BRSK1: variants seen among roughly 807,000 people sequenced by gnomAD.
BRSK1 encodes the protein serine/threonine-protein kinase BRSK1.
BRSK1 carries 17 observed loss-of-function variants against 86.2 expected under a neutral mutation model. The ratio of observed to expected loss-of-function variants is 0.20; its 90% CI spans 0.14 to 0.30. The LOEUF (loss-of-function observed/expected upper bound fraction) is 0.30, where lower values mean the gene tolerates loss of function less well. Ranked by LOEUF, BRSK1 falls within the 10% of genes least tolerant of loss-of-function variation. The pLI is 1.00. For synonymous variants in BRSK1, 464 were observed against 440.1 expected, an observed-to-expected ratio of 1.05 and a Z score of -0.68; for missense variants, 719 against 1,071.9, an observed-to-expected ratio of 0.67 and a Z score of 4.60.
chr19:55,293,791 C>T (rs1158480765), intron 4 of BRSK1, among the ~76,000 whole-genome samples: 2 of 152,088 alleles, frequency 1.3e-5, no homozygotes, highest in Non-Finnish European at 2.9e-5. Context: ...GCCTGGGAGA[C>T]AGAGCGAGAT....
At position 55,301,520 on chromosome 19, in the gene BRSK1, G is replaced by A; in HGVS notation, c.687G>A (p.Leu229=). The A allele has an allele frequency of 1.2e-6, 2 of 1,613,748 alleles. No individual in the cohort carries two copies. The highest frequency in any genetic ancestry group is 1.1e-5 in the South Asian group (1 of 90,988). The change falls in exon 8 of 19, where the codon CTG becomes CTA. Residue 229 remains leucine, a synonymous_variant. Transcript: ENST00000309383. The stretch of plus-strand genomic sequence containing the variant: ...GGTTATCTCTTGCCCAGGGGGCTCT[G>A]CCCTTTGATGACGACAACCTCCGCC... ...VILFALLVGA[L]PFDDDNLRQL... is the part of the protein sequence containing the mutation.
rs1382163860 is a variant in BRSK1 at position 55,305,303 on chromosome 19, C to T, written c.1718-18C>T. On this transcript the variant is annotated intron_variant, in intron 14 of 18. Transcript: ENST00000309383. Reference sequence around the variant, plus strand: ...GATGCACAGGTGTTGACCACGTTCTCTGCCTTCCCCCTACCAGTCCCTACC... The same window carrying T: ...GATGCACAGGTGTTGACCACGTTCTTTGCCTTCCCCCTACCAGTCCCTACC... 1.9e-5 allele frequency: 31 copies of T among 1,613,804 alleles called. No homozygotes were observed. Among genetic ancestry groups the T allele is most frequent in the Non-Finnish European group, 2.5e-5 (30 of 1,179,990 alleles).
intron 7 of BRSK1, among the ~76,000 whole-genome samples, chr19:55,300,562 G>T (rs187451300): frequency 1.3e-5 from 2 of 152,312 alleles, no homozygotes; most frequent in Non-Finnish European, 2.9e-5. Context: ...AATTAGGCTG[G>T]GTGTGGTGGC....
At chr19:55,298,260 G>A (rs764502021) in intron 7 of BRSK1, among the ~76,000 whole-genome samples, 8 of 94,208 alleles carry the variant, frequency 8.5e-5, no homozygotes, top group Non-Finnish European at 1.3e-4. Context: ...GTCTTGCTCT[G>A]TAGCCCAGGC....
At chr19:55,309,557 G>C (rs932226051) in intron 18 of BRSK1, among the ~76,000 whole-genome samples, 1 of 152,224 alleles carries the variant, frequency 6.6e-6, no homozygotes, top group Non-Finnish European at 1.5e-5. Context: ...CAGACAGCAC[G>C]TTGGTGCTGT....
At position 55,284,492 on chromosome 19, in the gene BRSK1, T is replaced by TA; in HGVS notation, c.50_51insA (p.His19ProfsTer31). On this transcript the variant is annotated frameshift_variant, in exon 1 of 19. Coordinates refer to ENST00000309383, the MANE Select transcript of BRSK1 (RefSeq NM_032430.2). LOFTEE classifies it high-confidence loss of function. ...GGTGGGGGCTCTCCCGCCTACCACC[T>TA]CCCCCACCCCCACCCCCACCCACCC... 7 of 776,220 alleles carry TA rather than the reference T, an allele frequency of 9.0e-6. No individual in the cohort carries two copies. The highest frequency in any genetic ancestry group is 1.1e-5 in the Non-Finnish European group (6 of 546,144). 48.1% of individuals were successfully genotyped at this position (776,220 alleles called of 1,614,324 possible).
chr19:55,304,601 A>G lies in BRSK1; in HGVS notation c.1398A>G (p.Arg466=). 6.3e-7 allele frequency: 1 copy of G among 1,577,356 alleles called. No individual in the cohort carries two copies. Among genetic ancestry groups the G allele is most frequent in the Non-Finnish European group, 8.6e-7 (1 of 1,163,760 alleles). ...SPEPGAGDEA[R]GGGSPTSKTQ... is the part of the protein sequence containing the mutation. ...AGCCGGGGGCTGGAGATGAGGCTCGAGGCGGGGGCTCCCCGACTTCCAAAA... is the reference window on the plus strand; with the variant it reads ...AGCCGGGGGCTGGAGATGAGGCTCGGGGCGGGGGCTCCCCGACTTCCAAAA... Residue 466 remains arginine, a synonymous_variant, in exon 14 of 19, where the codon CGA becomes CGG. Transcript: ENST00000309383. The surrounding 1 kb of genome is among the most constrained non-coding windows in gnomAD (Gnocchi z 5.2).
At chr19:55,297,974 G>A (rs755598132) in intron 7 of BRSK1, among the ~76,000 whole-genome samples, 16 of 151,940 alleles carry the variant, frequency 1.1e-4, no homozygotes, top group Admixed American at 2.6e-4. Flanking sequence ...TACCATGCCT[G>A]GCTAATTTTT....
Position 55,305,564 on chromosome 19 carries a change from A to G in BRSK1, c.1868A>G (p.Asp623Gly). The G allele has an allele frequency of 1.2e-6, 2 of 1,614,160 alleles. No homozygotes were observed. The highest frequency in any genetic ancestry group is 1.7e-6 in the Non-Finnish European group (2 of 1,180,034). The change falls in exon 16 of 19, where the codon GAC becomes GGC. Residue 623 changes from aspartate (D) to glycine (G), a missense_variant. Physicochemically the swap from Asp to Gly is moderately conservative, Grantham distance 94. This residue lies in a region of BRSK1 where 180 missense variants were observed against 259.4 expected (regional missense o/e 0.69). Transcript: ENST00000309383. ...AAACCTCTCAGCAGCATCAAAGCAG[A>G]CATCGTCCATGCCTTTCTGTCGGTG... Reference protein sequence around the residue: ...KDKPLSSIKADIVHAFLSIPS... With the variant: ...KDKPLSSIKAGIVHAFLSIPS...
chr19:55,297,848 C>T (rs2088511006), intron 7 of BRSK1, among the ~76,000 whole-genome samples: 1 of 152,154 alleles, frequency 6.6e-6, no homozygotes, highest in Admixed American at 6.5e-5. Flanking sequence ...GAGTTTCGCT[C>T]TTGTCGCCCA....
At position 55,304,795 on chromosome 19, in the gene BRSK1, C is replaced by T. The variant is rs55892637; in HGVS notation, c.1592C>T (p.Thr531Ile). The change falls in exon 14 of 19, where the codon ACC becomes ATC. Residue 531 changes from threonine (T) to isoleucine (I), a missense_variant. Physicochemically the swap from Thr to Ile is moderately conservative, Grantham distance 89. Coordinates refer to ENST00000309383, the MANE Select transcript of BRSK1 (RefSeq NM_032430.2). This position sits in a 1 kb window ranked among gnomAD's most constrained non-coding sequence, Gnocchi z 5.2. ...ACGCCCCGGGCCAGTCCCACCGGGA[C>T]CCCGGGGACAACACCACCCCCCAGC... ...LHTPRASPTG[T>I]PGTTPPPSPG... The T allele has an allele frequency of 1.3e-6, 2 of 1,568,218 alleles. No homozygotes were observed. The highest frequency in any genetic ancestry group is 2.3e-5 in the South Asian group (2 of 86,814).
rs1424511353 is a variant in BRSK1 at position 55,312,026 on chromosome 19, G to A, written c.2295G>A (p.Lys765=). 1.8e-5 allele frequency: 27 copies of A among 1,500,190 alleles called. No individual in the cohort carries two copies. Among genetic ancestry groups the A allele is most frequent in the Admixed American group, 2.3e-5 (1 of 42,578 alleles). 92.9% of individuals were successfully genotyped at this position (1,500,190 alleles called of 1,614,324 possible). A position where few individuals can be genotyped will look rare whatever the true frequency, so the allele number is the denominator to read the frequency against. The change falls in exon 19 of 19, where the codon AAG becomes AAA. Residue 765 remains lysine, a synonymous_variant. Coordinates refer to ENST00000309383, the MANE Select transcript of BRSK1 (RefSeq NM_032430.2). ...GCTCTCCCCGCCGAGGCCCCCCCAA[G>A]GACAAGAAGCTCCTGGCCACCAACG... The part of the protein sequence containing the change: ...LSSSPRRGPP[K]DKKLLATNGT...
rs183889340 is a variant in BRSK1, at chr19:55,297,868, G to A, written c.678+3471G>A. On this transcript the variant is annotated intron_variant, in intron 7 of 18. Coordinates refer to ENST00000309383, the MANE Select transcript of BRSK1 (RefSeq NM_032430.2). The stretch of plus-strand genomic sequence containing the variant: ...TCGCTCTTGTCGCCCAGGCTGGAGT[G>A]CAATGGTGCGATCTTGGCTCACTGA... 2.9e-3 allele frequency among the ~76,000 whole-genome samples: 445 copies of A among 152,310 alleles called. 2 individuals carry two copies. The highest frequency in any genetic ancestry group is 0.01 in the African/African-American group (420 of 41,556).
intron 7 of BRSK1, among the ~76,000 whole-genome samples, chr19:55,295,477 C>T (rs74530781): frequency 0.066 from 10,062 of 152,170 alleles, 514 homozygotes; most frequent in African/African-American, 0.14. Context: ...AACCAACAGA[C>T]CAAGATCCTG....
Position 55,310,755 on chromosome 19 carries a change from G to C in BRSK1, c.2180-1156G>C, listed in dbSNP as rs1016780665. On this transcript the variant is annotated intron_variant, in intron 18 of 18. Transcript: ENST00000309383. This position sits in a 1 kb window ranked among gnomAD's most constrained non-coding sequence, Gnocchi z 5.0. ...AACCCTCTTTTCTCATGGTTGCTAG[G>C]GGCAACCGGAAAGCAAATTAGGTCC... Among the ~76,000 whole-genome samples, 2 of 152,044 alleles carry C rather than the reference G, an allele frequency of 1.3e-5. No individual in the cohort carries two copies. Among genetic ancestry groups the C allele is most frequent in the Admixed American group, 1.3e-4 (2 of 15,264 alleles).
intron 7 of BRSK1, among the ~76,000 whole-genome samples, chr19:55,298,184 G>GTTTATTC (rs1302961474): frequency 1.8e-5 from 2 of 109,896 alleles, no homozygotes; most frequent in African/African-American, 6.7e-5. Context: ...ATTATTAGTA[G>GTTTATTC]TTTATTCTTT....
intron 18 of BRSK1, among the ~76,000 whole-genome samples, chr19:55,309,066 G>A (rs1015746690): frequency 2.0e-5 from 3 of 152,060 alleles, no homozygotes; most frequent in Admixed American, 1.3e-4. Flanking sequence ...GGGGGTCAGG[G>A]AACATCCTGC....
chr19:55,290,911 G>A (rs1161582182), intron 4 of BRSK1, among the ~76,000 whole-genome samples: 1 of 151,862 alleles, frequency 6.6e-6, no homozygotes, highest in East Asian at 1.9e-4. Flanking sequence ...AAAGTGCTGG[G>A]ATTACAGGCA....
At chr19:55,311,036 C>T (rs2088779613) in intron 18 of BRSK1, among the ~76,000 whole-genome samples, 1 of 152,168 alleles carries the variant, frequency 6.6e-6, no homozygotes, top group South Asian at 2.1e-4. Context: ...TCTCAGCTCA[C>T]TGCAACTTCC....
Sources: gnomAD v4.1 joint callset for allele counts (sites outside exome capture counted in the v4.1 genomes callset) on GRCh38, gnomAD v4.1.1 for gene constraint, gnomAD v4.1.1 regional missense constraint, Gnocchi (gnomAD v3.1) non-coding constraint, MANE v1.5 for transcripts, NCBI Gene and HGNC (gene_info 2026-07-23, HGNC 2026-07-21) for gene names.